PRKCI: variants seen among roughly 807,000 people sequenced by gnomAD.
PRKCI encodes the protein protein kinase C iota type.
In PRKCI, 43 loss-of-function variants were observed where a neutral mutation model predicts 84.0. The ratio of observed to expected loss-of-function variants is 0.51; its 90% confidence interval spans 0.40 to 0.66. The LOEUF is 0.66. PRKCI is among the 30% of genes least tolerant of loss of function. The pLI, the probability that PRKCI is intolerant of heterozygous loss-of-function variation, is 0.00. For missense variants in PRKCI, 459 were observed against 745.6 expected (o/e 0.62, Z 4.48); for synonymous variants, 216 against 234.4 (o/e 0.92, Z 0.72).
chr3:170,234,031 CT>C (rs386398519), intron 1 of PRKCI, among the ~76,000 whole-genome samples: 283 of 93,326 alleles, frequency 3.0e-3, no homozygotes, highest in African/African-American at 0.01. Context: ...TATACTTACA[CT>C]TTTTTTTTTT....
rs551360457 is a variant in PRKCI at position 170,263,544 on chromosome 3, G to A, written c.364+115G>A. On this transcript the variant is annotated intron_variant, in intron 4 of 17. Coordinates refer to ENST00000295797, the MANE Select transcript of PRKCI (RefSeq NM_002740.6). ...GTGCAGTGGACAGTGGCTAATGCCT[G>A]TAATCCCAGCACTGTGGGAAGCTGA... is the stretch of plus-strand genomic sequence containing the variant. 9.8e-4 allele frequency: 820 copies of A among 838,516 alleles called. 2 individuals are homozygous for A. Among genetic ancestry groups the A allele is most frequent in the Non-Finnish European group, 1.3e-3 (698 of 527,306 alleles). The allele number at this position is 838,516 out of a possible 1,614,324, so 51.9% of individuals were successfully genotyped here.
At chr3:170,281,120 A>G (rs1734232130) in intron 9 of PRKCI, 46 bp from the exon 10 acceptor site, 7 of 1,481,918 alleles carry the variant, frequency 4.7e-6, no homozygotes, top group Non-Finnish European at 6.6e-6. Flanking sequence ...TTTATCATTA[A>G]TTGTGATATC....
chr3:170,274,524 T>C (rs1018955356), intron 7 of PRKCI, among the ~76,000 whole-genome samples: 2 of 152,174 alleles, frequency 1.3e-5, no homozygotes, highest in African/African-American at 2.4e-5. Flanking sequence ...TCCAGGAAGA[T>C]GGTGTAACTG....
At chr3:170,241,081 A>G (rs191951775) in intron 2 of PRKCI, among the ~76,000 whole-genome samples, 16 of 152,260 alleles carry the variant, frequency 1.1e-4, no homozygotes, top group African/African-American at 3.9e-4. Context: ...TAATAATTGT[A>G]TATGTTCGTG....
Position 170,304,957 on chromosome 3 carries a change from G to GCTATA in PRKCI, c.*1831_*1835dup, listed in dbSNP as rs1734918891. The GCTATA allele has an allele frequency of 6.6e-6, 1 of 151,986 alleles. No homozygotes were observed. The highest frequency in any genetic ancestry group is 1.5e-5 in the Non-Finnish European group (1 of 68,002). 9.4% of individuals were successfully genotyped at this position (151,986 alleles called of 1,614,324 possible). A position where few individuals can be genotyped will look rare whatever the true frequency, so the allele number is the denominator to read the frequency against. On this transcript the variant is annotated 3_prime_UTR_variant, in exon 18 of 18. Transcript: ENST00000295797. ...AAATGTCATTTTTCCAAAGTTTCTA[G>GCTATA]CTATATACTCTCTTTCCTTCAAATA...
At chr3:170,291,688 C>A (rs41273583) in intron 12 of PRKCI, 166 bp from the exon 13 acceptor site, 19,480 of 565,350 alleles carry the variant, frequency 0.034, 540 homozygotes, top group East Asian at 0.096. Flanking sequence ...CAGAGCAAGA[C>A]CCTGTCAAAA....
intron 3 of PRKCI, among the ~76,000 whole-genome samples, 176 bp from the exon 4 acceptor site, chr3:170,263,203 G>A (rs1027369921): frequency 6.6e-6 from 1 of 151,552 alleles, no homozygotes; most frequent in South Asian, 2.1e-4. Context: ...ATATGGCCTT[G>A]GTAAAATGAA....
At chr3:170,281,473 G>A (rs1455137937) in intron 10 of PRKCI, 2 of 461,512 alleles carry the variant, frequency 4.3e-6, no homozygotes, top group East Asian at 3.4e-5. Flanking sequence ...AGGCAGAACA[G>A]GAAATAGCCA....
intron 12 of PRKCI, among the ~76,000 whole-genome samples, chr3:170,290,617 C>G (rs1038524365): frequency 3.3e-5 from 5 of 151,950 alleles, no homozygotes; most frequent in Admixed American, 6.6e-5. Flanking sequence ...CTATCATTTT[C>G]TAATATAGAT....
At chr3:170,245,316 C>A (rs952420800) in intron 2 of PRKCI, among the ~76,000 whole-genome samples, 1 of 151,590 alleles carries the variant, frequency 6.6e-6, no homozygotes. Context: ...GGGACTGAGC[C>A]CTAAACCTAC....
intron 3 of PRKCI, among the ~76,000 whole-genome samples, chr3:170,263,033 GT>G: frequency 6.6e-6 from 1 of 151,734 alleles, no homozygotes; most frequent in African/African-American, 2.4e-5. Flanking sequence ...GCCGGGCATG[GT>G]GGCGCGTGCC....
intron 2 of PRKCI, among the ~76,000 whole-genome samples, chr3:170,259,717 A>T (rs1733676309): frequency 6.6e-6 from 1 of 152,028 alleles, no homozygotes; most frequent in Non-Finnish European, 1.5e-5. Context: ...GAGGCAGGAG[A>T]ATCGCTTGAA....
intron 2 of PRKCI, among the ~76,000 whole-genome samples, chr3:170,249,311 A>T (rs1733375241): frequency 6.6e-6 from 1 of 151,988 alleles, no homozygotes; most frequent in South Asian, 2.1e-4. Flanking sequence ...GGAAATTTGG[A>T]CTTAAGGTTT....
At chr3:170,265,449 CTT>C (rs1733835698) in intron 4 of PRKCI, among the ~76,000 whole-genome samples, 1 of 152,202 alleles carries the variant, frequency 6.6e-6, no homozygotes, top group East Asian at 1.9e-4. Flanking sequence ...AATATGCAAA[CTT>C]ATGTTTGATT....
intron 2 of PRKCI, among the ~76,000 whole-genome samples, chr3:170,247,451 C>G (rs1200184614): frequency 6.6e-6 from 1 of 151,712 alleles, no homozygotes; most frequent in Non-Finnish European, 1.5e-5. Flanking sequence ...AATGTTGAGG[C>G]TGGATGCGGT....
intron 2 of PRKCI, chr3:170,244,710 G>C (rs1224011959): frequency 6.6e-6 from 1 of 152,056 alleles, no homozygotes; most frequent in South Asian, 2.1e-4. Context: ...GTACACGGGG[G>C]AACCACAGAG....
At chr3:170,244,440 G>C (rs1733216462) in intron 2 of PRKCI, among the ~76,000 whole-genome samples, 1 of 152,136 alleles carries the variant, frequency 6.6e-6, no homozygotes, top group Non-Finnish European at 1.5e-5. Flanking sequence ...TCCTGGGAGG[G>C]TGGTACATCT....
intron 3 of PRKCI, among the ~76,000 whole-genome samples, chr3:170,262,466 T>G (rs1733750898): frequency 6.6e-6 from 1 of 152,152 alleles, no homozygotes; most frequent in Non-Finnish European, 1.5e-5. Flanking sequence ...TGCATTGGTT[T>G]TTTTGTTTTG....
At chr3:170,229,742 TATG>T (rs1159123934) in intron 1 of PRKCI, among the ~76,000 whole-genome samples, 1 of 152,246 alleles carries the variant, frequency 6.6e-6, no homozygotes, top group Non-Finnish European at 1.5e-5. Flanking sequence ...TATCTTGAAA[TATG>T]ATATTGTTTC....
Sources: gnomAD v4.1 joint callset for allele counts (sites outside exome capture counted in the v4.1 genomes callset) on GRCh38, gnomAD v4.1.1 for gene constraint, MANE v1.5 for transcripts, NCBI Gene and HGNC (gene_info 2026-07-23, HGNC 2026-07-21) for gene names.